CMIP: variants seen among roughly 807,000 people sequenced by gnomAD.
The protein encoded by CMIP is C-Maf-inducing protein.
In CMIP, 13 loss-of-function variants were observed where a neutral mutation model predicts 97.3. The ratio of observed to expected loss-of-function variants is 0.13; its 90% CI spans 0.09 to 0.21. The LOEUF is 0.21. Ranked by LOEUF, CMIP falls within the 10% of genes least tolerant of loss-of-function variation. CMIP has a pLI of 1.00. For missense variants in CMIP, 847 were observed against 1,024.9 expected, an observed-to-expected ratio of 0.83 and a Z score of 2.37; for synonymous variants, 538 against 436.3, an observed-to-expected ratio of 1.23 and a Z score of -2.91.
At chr16:81,519,747 G>C (rs2089984290) in intron 1 of CMIP, 2 of 152,358 alleles carry the variant, frequency 1.3e-5, no homozygotes, top group Middle Eastern at 6.8e-3. Context: ...CAGAACGGCA[G>C]TTTGACATGG....
At chr16:81,654,210 C>T (rs996814487) in intron 4 of CMIP, among the ~76,000 whole-genome samples, 37 of 150,092 alleles carry the variant, frequency 2.5e-4, no homozygotes, top group Middle Eastern at 3.4e-3. Flanking sequence ...TGACTGTTGG[C>T]CTTCACATCC....
intron 3 of CMIP, among the ~76,000 whole-genome samples, chr16:81,646,159 GT>G (rs113228089): frequency 0.023 from 3,445 of 149,498 alleles, 132 homozygotes; most frequent in African/African-American, 0.081. Flanking sequence ...TGGGTGGATA[GT>G]TGAGAGGGTA....
At chr16:81,469,936 C>G (rs1411317820) in intron 1 of CMIP, among the ~76,000 whole-genome samples, 5 of 152,150 alleles carry the variant, frequency 3.3e-5, no homozygotes, top group Non-Finnish European at 5.9e-5. Context: ...CACCCTTGAC[C>G]TTGTCTGGTG....
In CMIP at chr16:81,611,072, G is replaced by T. The variant is rs12448561; in HGVS notation, c.426+3380G>T. Among the ~76,000 whole-genome samples the T allele has an allele frequency of 3.5e-4, 53 of 152,096 alleles. 1 individual carries two copies. The East Asian group carries it at 8.4e-3, about 24-fold the overall frequency. ...ATGGTGCCGCCCGGCACAGCCACCA[G>T]CAGCCACGCATGGCAGCCCACAGAT... On this transcript the variant is annotated intron_variant, in intron 2 of 20. Coordinates refer to ENST00000537098, the MANE Select transcript of CMIP (RefSeq NM_198390.3).
intron 10 of CMIP, among the ~76,000 whole-genome samples, chr16:81,683,078 T>C (rs1229047803): frequency 1.3e-5 from 2 of 152,232 alleles, no homozygotes; most frequent in Non-Finnish European, 2.9e-5. Context: ...ATCCAGCTTT[T>C]GTTGTATACC....
chr16:81,668,838 C>T lies in CMIP; in HGVS notation c.826-1304C>T, dbSNP rs190723311. Among the ~76,000 whole-genome samples the T allele has an allele frequency of 1.3e-3, 192 of 151,340 alleles. 1 individual carries two copies. Among genetic ancestry groups the T allele is most frequent in the African/African-American group, 4.5e-3 (183 of 40,910 alleles). On this transcript the variant is annotated intron_variant, in intron 7 of 20. Coordinates refer to ENST00000537098, the MANE Select transcript of CMIP (RefSeq NM_198390.3). Reference sequence around the variant, plus strand: ...CACCTCACACTCACTGCCTTCCACACCCACCTCACACTCACTGCCTTCCAC... The same window carrying T: ...CACCTCACACTCACTGCCTTCCACATCCACCTCACACTCACTGCCTTCCAC...
chr16:81,449,158 TAA>T (rs1039764248), intron 1 of CMIP, among the ~76,000 whole-genome samples: 2 of 152,244 alleles, frequency 1.3e-5, no homozygotes, highest in Non-Finnish European at 2.9e-5. Context: ...ATCTTACTTT[TAA>T]GAGAATGTGG....
intron 1 of CMIP, among the ~76,000 whole-genome samples, chr16:81,538,402 G>C (rs2090387530): frequency 6.6e-6 from 1 of 152,246 alleles, no homozygotes; most frequent in South Asian, 2.1e-4. Context: ...AAGTTGAAAT[G>C]TGGTCCAAAA....
chr16:81,629,136 A>T (rs1236129448), intron 3 of CMIP, among the ~76,000 whole-genome samples: 8 of 16,396 alleles, frequency 4.9e-4, no homozygotes, highest in Middle Eastern at 0.029. Flanking sequence ...ACTGTGCTTA[A>T]AAAAAAAAAA....
chr16:81,694,855 C>T (rs1431237885), intron 13 of CMIP, among the ~76,000 whole-genome samples: 4 of 152,238 alleles, frequency 2.6e-5, no homozygotes, highest in Non-Finnish European at 5.9e-5. Context: ...CCTAAGTGTT[C>T]CTCAGGCATG....
At chr16:81,500,700 G>A (rs1044864968) in intron 1 of CMIP, among the ~76,000 whole-genome samples, 1 of 151,866 alleles carries the variant, frequency 6.6e-6, no homozygotes, top group Non-Finnish European at 1.5e-5. Flanking sequence ...TATTGGCCAG[G>A]CTGATCTTGA....
intron 11 of CMIP, among the ~76,000 whole-genome samples, chr16:81,692,775 T>C (rs1906244579): frequency 6.6e-6 from 1 of 152,200 alleles, no homozygotes; most frequent in Non-Finnish European, 1.5e-5. Flanking sequence ...TGGTCCCCCA[T>C]GGCCGCTGAT....
intron 1 of CMIP, among the ~76,000 whole-genome samples, chr16:81,468,326 C>T (rs1410795698): frequency 1.3e-5 from 2 of 152,250 alleles, no homozygotes; most frequent in Non-Finnish European, 2.9e-5. Context: ...TGTCCGTTTT[C>T]TGGAAGTAGA....
At chr16:81,449,601 T>G (rs1418835546) in intron 1 of CMIP, among the ~76,000 whole-genome samples, 1 of 150,406 alleles carries the variant, frequency 6.6e-6, no homozygotes, top group Non-Finnish European at 1.5e-5. Context: ...CATACCCCCC[T>G]TCCCCCCATG....
chr16:81,636,732 C>G (rs1480339171), intron 3 of CMIP, among the ~76,000 whole-genome samples: 1 of 152,166 alleles, frequency 6.6e-6, no homozygotes, highest in Non-Finnish European at 1.5e-5. Context: ...GCATGAACGG[C>G]TTCCTGCAAT....
chr16:81,536,424 G>A (rs565831236), intron 1 of CMIP, among the ~76,000 whole-genome samples: 5 of 152,238 alleles, frequency 3.3e-5, no homozygotes, highest in African/African-American at 7.2e-5. Context: ...TAAATTGATC[G>A]TCAGGATAAG....
intron 1 of CMIP, among the ~76,000 whole-genome samples, chr16:81,571,826 C>T (rs532863519): frequency 7.2e-5 from 11 of 152,302 alleles, no homozygotes; most frequent in African/African-American, 1.4e-4. Flanking sequence ...GGAAGCCTCT[C>T]CCTTGATGCC....
At chr16:81,613,792 A>C (rs535716201) in intron 2 of CMIP, among the ~76,000 whole-genome samples, 3 of 152,200 alleles carry the variant, frequency 2.0e-5, no homozygotes, top group African/African-American at 7.2e-5. Context: ...CCATCCATCT[A>C]TCCGCCCACC....
chr16:81,477,615 G>A (rs776114290), intron 1 of CMIP, among the ~76,000 whole-genome samples: 8 of 152,224 alleles, frequency 5.3e-5, no homozygotes, highest in Non-Finnish European at 8.8e-5. Context: ...GTAAGACTCC[G>A]GGATCATATA....
Sources: gnomAD v4.1 joint callset for allele counts (sites outside exome capture counted in the v4.1 genomes callset) on GRCh38, gnomAD v4.1.1 for gene constraint, MANE v1.5 for transcripts, NCBI Gene and HGNC (gene_info 2026-07-23, HGNC 2026-07-21) for gene names.